INPP4B: variants seen among roughly 807,000 people sequenced by gnomAD.
INPP4B encodes inositol polyphosphate 4-phosphatase type II.
INPP4B carries 55 observed loss-of-function variants against 122.5 expected under a neutral mutation model. The observed-to-expected ratio is 0.45, with a 90% confidence interval of 0.36 to 0.56. INPP4B has a LOEUF of 0.56. Ranked by LOEUF, INPP4B falls within the 20% of genes least tolerant of loss-of-function variation. The probability of loss-of-function intolerance (pLI) is 0.00; values close to 1 mark genes in which losing one functional copy is unlikely to be tolerated. For synonymous variants in INPP4B, 403 were observed against 388.7 expected (o/e 1.04, Z -0.43); for missense variants, 1,000 against 1,097.7 (o/e 0.91, Z 1.26).
chr4:142,214,692 A>G (rs1846306450), intron 12 of INPP4B, among the ~76,000 whole-genome samples: 1 of 152,098 alleles, frequency 6.6e-6, no homozygotes, highest in African/African-American at 2.4e-5. Flanking sequence ...AGCTGGGACT[A>G]CAGGCGCCTG....
At chr4:142,655,470 C>A (rs1034482395) in intron 2 of INPP4B, among the ~76,000 whole-genome samples, 5 of 152,132 alleles carry the variant, frequency 3.3e-5, no homozygotes, top group African/African-American at 1.2e-4. Flanking sequence ...ATATTTGCCT[C>A]CAAAATTATC....
At chr4:142,233,988 T>C (rs919499098) in intron 12 of INPP4B, among the ~76,000 whole-genome samples, 1 of 152,160 alleles carries the variant, frequency 6.6e-6, no homozygotes, top group Non-Finnish European at 1.5e-5. Flanking sequence ...TATATAATAA[T>C]GTAAAGCCAC....
At chr4:142,247,870 A>T (rs1045916102) in intron 11 of INPP4B, among the ~76,000 whole-genome samples, 7 of 152,210 alleles carry the variant, frequency 4.6e-5, no homozygotes, top group African/African-American at 1.7e-4. Flanking sequence ...ATTATATTTG[A>T]AAATCTTTCT....
chr4:142,120,872 G>A (rs534138624), intron 21 of INPP4B, among the ~76,000 whole-genome samples: 5 of 152,208 alleles, frequency 3.3e-5, no homozygotes, highest in East Asian at 1.9e-4. Flanking sequence ...GGTTGTTTTG[G>A]ATTGTTATTT....
intron 2 of INPP4B, among the ~76,000 whole-genome samples, chr4:142,706,047 C>T (rs1317789142): frequency 2.0e-5 from 3 of 152,258 alleles, no homozygotes; most frequent in Non-Finnish European, 2.9e-5. Flanking sequence ...CTCCCAGCCT[C>T]ATCCCTCAAC....
chr4:142,824,306 GTCTA>G (rs1322328343), intron 1 of INPP4B, among the ~76,000 whole-genome samples: 1 of 151,434 alleles, frequency 6.6e-6, no homozygotes, highest in Non-Finnish European at 1.5e-5. Flanking sequence ...TTATCTATCT[GTCTA>G]TCTATCTATC....
At chr4:142,350,092 A>G (rs1781486615) in intron 7 of INPP4B, among the ~76,000 whole-genome samples, 1 of 152,000 alleles carries the variant, frequency 6.6e-6, no homozygotes, top group Non-Finnish European at 1.5e-5. Flanking sequence ...AGACATAAGA[A>G]AGAAAATTAC....
At chr4:142,462,024 T>A (rs1816843811) in intron 3 of INPP4B, among the ~76,000 whole-genome samples, 1 of 152,188 alleles carries the variant, frequency 6.6e-6, no homozygotes, top group Non-Finnish European at 1.5e-5. Context: ...TTCCCTTCTG[T>A]GACTTTGCTG....
At chr4:142,362,967 C>T (rs536240914) in intron 7 of INPP4B, among the ~76,000 whole-genome samples, 1 of 152,140 alleles carries the variant, frequency 6.6e-6, no homozygotes, top group Admixed American at 6.6e-5. Context: ...GACACCTGCA[C>T]ATGTACCCCC....
At chr4:142,312,668 T>C (rs1486902256) in intron 8 of INPP4B, among the ~76,000 whole-genome samples, 1 of 152,208 alleles carries the variant, frequency 6.6e-6, no homozygotes, top group Non-Finnish European at 1.5e-5. Context: ...AGAAAGTGGC[T>C]GACCTGGAGT....
intron 25 of INPP4B, among the ~76,000 whole-genome samples, chr4:142,064,244 A>G (rs1405240492): frequency 6.6e-6 from 1 of 152,228 alleles, no homozygotes; most frequent in Non-Finnish European, 1.5e-5. Flanking sequence ...CTGTTCAGGA[A>G]CCACATGATA....
chr4:142,432,248 C>T (rs952255156), intron 3 of INPP4B, among the ~76,000 whole-genome samples: 2 of 151,912 alleles, frequency 1.3e-5, no homozygotes, highest in Non-Finnish European at 2.9e-5. Context: ...TGCCCAATGC[C>T]GTTTAATGAG....
At chr4:142,434,642 C>A (rs184115558) in intron 3 of INPP4B, among the ~76,000 whole-genome samples, 1 of 152,122 alleles carries the variant, frequency 6.6e-6, no homozygotes, top group African/African-American at 2.4e-5. Context: ...AAAAGGGATA[C>A]GGTGACCCTG....
At chr4:142,312,439 G>A (rs35157240) in intron 8 of INPP4B, among the ~76,000 whole-genome samples, 14,655 of 152,192 alleles carry the variant, frequency 0.096, 767 homozygotes, top group Middle Eastern at 0.18. Flanking sequence ...CACTTAGAAA[G>A]CCTAGAGGTG....
chr4:142,651,807 G>A (rs1753023470), intron 2 of INPP4B, among the ~76,000 whole-genome samples: 2 of 152,158 alleles, frequency 1.3e-5, no homozygotes, highest in Admixed American at 1.3e-4. Flanking sequence ...AGAGGAGCTG[G>A]TACCATTCCT....
In INPP4B at chr4:142,545,691, A is replaced by ATATGTGTGTG. The variant is rs1560781580; in HGVS notation, c.-190-82966_-190-82965insCACACACATA. ...GAGATATTAGATTTAATACACACAT[A>ATATGTGTGTG]TATATGTGTATATATATGTGTGTGT... On this transcript the variant is annotated intron_variant, in intron 2 of 25. Coordinates refer to ENST00000262992, the MANE Select transcript of INPP4B (RefSeq NM_001101669.3). Among the ~76,000 whole-genome samples the ATATGTGTGTG allele has an allele frequency of 4.1e-3, 487 of 119,978 alleles. 11 individuals are homozygous for ATATGTGTGTG. The highest frequency in any genetic ancestry group is 0.016 in the African/African-American group (448 of 28,836). 78.7% of individuals were successfully genotyped at this position (119,978 alleles called of 152,430 possible).
At chr4:142,579,903 A>G (rs552164254) in intron 2 of INPP4B, among the ~76,000 whole-genome samples, 3 of 151,270 alleles carry the variant, frequency 2.0e-5, no homozygotes, top group Non-Finnish European at 4.4e-5. Context: ...AGATAGATAG[A>G]TAGATAGATA....
chr4:142,255,229 G>A lies in INPP4B; in HGVS notation c.688+5263C>T, dbSNP rs540540141. Reference sequence around the variant, plus strand: ...GCGCTAAACATGGAAAGGAACAACCGGTACCAGCCGCTGCAAAATCATGCC... The same window carrying A: ...GCGCTAAACATGGAAAGGAACAACCAGTACCAGCCGCTGCAAAATCATGCC... On this transcript the variant is annotated intron_variant, in intron 11 of 25. Coordinates refer to ENST00000262992, the MANE Select transcript of INPP4B (RefSeq NM_001101669.3). Among the ~76,000 whole-genome samples, 677 of 151,762 alleles carry A rather than the reference G, an allele frequency of 4.5e-3. 4 individuals are homozygous for A. Among genetic ancestry groups the A allele is most frequent in the Non-Finnish European group, 5.5e-3 (372 of 67,936 alleles).
intron 2 of INPP4B, among the ~76,000 whole-genome samples, chr4:142,662,443 A>T (rs1755373856): frequency 6.6e-6 from 1 of 152,110 alleles, no homozygotes; most frequent in Non-Finnish European, 1.5e-5. Context: ...GTCCACCAAA[A>T]ATTTTCCCCT....
Sources: allele counts gnomAD v4.1 joint callset (sites outside exome capture counted in the v4.1 genomes callset), GRCh38; gene constraint gnomAD v4.1.1; transcripts MANE v1.5; gene names NCBI Gene and HGNC (gene_info 2026-07-23, HGNC 2026-07-21).